The following PHF14 variants were observed in gnomAD, a reference collection of about 807,000 sequenced individuals.
The protein encoded by PHF14 is PHD finger protein 14.
A neutral mutation model predicts 117.9 loss-of-function variants in PHF14; 55 were observed. The observed-to-expected ratio is 0.47, with a 90% confidence interval of 0.38 to 0.58. The LOEUF is 0.58. PHF14 is among the 20% of genes least tolerant of loss of function. The pLI is 0.00. For missense variants in PHF14, 978 were observed against 1,122.2 expected, an observed-to-expected ratio of 0.87 and a Z score of 1.84; for synonymous variants, 409 against 368.6, an observed-to-expected ratio of 1.11 and a Z score of -1.26.
chr7:10,998,450 A>T (rs1449549522), intron 4 of PHF14, among the ~76,000 whole-genome samples: 2 of 152,174 alleles, frequency 1.3e-5, no homozygotes, highest in African/African-American at 4.8e-5. Context: ...ACATATATGT[A>T]TATATACACA....
intron 16 of PHF14, among the ~76,000 whole-genome samples, chr7:11,096,547 A>G (rs529436143): frequency 1.3e-5 from 2 of 152,262 alleles, no homozygotes; most frequent in South Asian, 4.1e-4. Context: ...ATTTACGGGT[A>G]TTTCATATCG....
intron 3 of PHF14, 33 bp downstream of exon 3, chr7:10,983,192 T>TG (rs756146576): frequency 8.4e-6 from 13 of 1,551,764 alleles, no homozygotes; most frequent in Admixed American, 3.8e-5. Context: ...TCTGTCTGTC[T>TG]GGGGAAAAGG....
At chr7:11,068,835 C>G (rs924328864) in intron 16 of PHF14, among the ~76,000 whole-genome samples, 2 of 152,056 alleles carry the variant, frequency 1.3e-5, no homozygotes, top group African/African-American at 4.8e-5. Context: ...CATGTTGCAT[C>G]TTTCAATTTA....
intron 4 of PHF14, chr7:11,006,738 G>T: frequency 1.5e-6 from 1 of 681,582 alleles, no homozygotes; most frequent in Non-Finnish European, 2.7e-6. Context: ...CTGCTGGAAG[G>T]TGGGTGACAT....
intron 16 of PHF14, chr7:11,105,270 A>C (rs1056231858): frequency 4.2e-6 from 4 of 952,420 alleles, no homozygotes; most frequent in Non-Finnish European, 5.0e-6. Flanking sequence ...TTAAGTGTTC[A>C]TCTGATTTTA....
intron 2 of PHF14, among the ~76,000 whole-genome samples, chr7:10,978,868 G>GGAACTA (rs1446671167): frequency 6.6e-6 from 1 of 152,168 alleles, no homozygotes. Context: ...TGACATAGCT[G>GGAACTA]GAACTAGAAT....
At chr7:11,103,835 A>G (rs1430063931) in intron 16 of PHF14, 1 of 981,596 alleles carries the variant, frequency 1.0e-6, no homozygotes, top group East Asian at 1.1e-4. Context: ...ATGAAATTAC[A>G]TATAAACAGA....
intron 17 of PHF14, among the ~76,000 whole-genome samples, chr7:11,143,880 A>G (rs1318593540): frequency 6.6e-6 from 1 of 152,116 alleles, no homozygotes; most frequent in Non-Finnish European, 1.5e-5. Context: ...AAATGGAACT[A>G]TATCAAACTA....
At chr7:11,094,070 G>A (rs1174295624) in intron 16 of PHF14, among the ~76,000 whole-genome samples, 1 of 152,098 alleles carries the variant, frequency 6.6e-6, no homozygotes, top group Admixed American at 6.6e-5. Flanking sequence ...GAGACTTTGG[G>A]TCTTTCCCAC....
chr7:11,024,286 G>A (rs185065322), intron 6 of PHF14, among the ~76,000 whole-genome samples: 38 of 152,318 alleles, frequency 2.5e-4, no homozygotes, highest in African/African-American at 8.9e-4. Flanking sequence ...TTTAAGGAAA[G>A]AAGCCATCTC....
chr7:11,158,199 G>A (rs1204813332), intron 17 of PHF14, among the ~76,000 whole-genome samples: 2 of 152,004 alleles, frequency 1.3e-5, no homozygotes, highest in Non-Finnish European at 2.9e-5. Context: ...GTTTCATTTT[G>A]TCATTATGTC....
At chr7:11,063,498 A>C in intron 16 of PHF14, 1 of 983,054 alleles carries the variant, frequency 1.0e-6, no homozygotes, top group Non-Finnish European at 1.2e-6. Context: ...GGTGGAGTTG[A>C]GGACTATGAT....
At chr7:11,103,461 C>G in intron 16 of PHF14, 1 of 982,110 alleles carries the variant, frequency 1.0e-6, no homozygotes, top group Non-Finnish European at 1.2e-6. Flanking sequence ...CAGAGGTATA[C>G]AGAATTAAAA....
chr7:11,168,308 C>G (rs1789270169), intron 17 of PHF14, among the ~76,000 whole-genome samples: 1 of 152,092 alleles, frequency 6.6e-6, no homozygotes, highest in South Asian at 2.1e-4. Context: ...TTAACAAAGT[C>G]TAAATCACAG....
At chr7:11,142,899 T>G (rs1788439357) in intron 17 of PHF14, among the ~76,000 whole-genome samples, 1 of 152,110 alleles carries the variant, frequency 6.6e-6, no homozygotes, top group Admixed American at 6.6e-5. Flanking sequence ...ATATACAACC[T>G]CTCAGTTTAA....
At chr7:10,985,668 T>C (rs1287638537) in intron 3 of PHF14, among the ~76,000 whole-genome samples, 1 of 125,800 alleles carries the variant, frequency 7.9e-6, no homozygotes, top group East Asian at 2.0e-4. Context: ...TTTTTTTTTT[T>C]TGGAGACAGG....
chr7:11,107,741 T>C (rs1172556672), intron 16 of PHF14: 2 of 825,264 alleles, frequency 2.4e-6, no homozygotes, highest in Non-Finnish European at 1.5e-6. Flanking sequence ...TATTGTGTTA[T>C]ATCCCTATAC....
chr7:11,028,705 C>T lies in PHF14; in HGVS notation c.1342C>T (p.Arg448Cys), dbSNP rs1381854007. Residue 448 changes from arginine (R) to cysteine (C), a missense_variant, in exon 7 of 18, where the codon CGC becomes TGC. By Grantham distance (180) the Arg-to-Cys change is radical. Coordinates refer to ENST00000634607, the MANE Select transcript of PHF14 (RefSeq NM_001007157.2). ...AKECSFCEDPRFARTGVCISC... is the reference protein window; with the variant it reads ...AKECSFCEDPCFARTGVCISC... ...GGAGTGTAGCTTTTGTGAAGACCCT[C>T]GCTTTGCTAGAACTGGGGTTTGCAT... The T allele has an allele frequency of 3.1e-6, 5 of 1,613,608 alleles. No individual in the cohort carries two copies. The highest frequency in any genetic ancestry group is 2.2e-5 in the East Asian group (1 of 44,860).
chr7:11,061,077 A>T (rs1785207746), intron 14 of PHF14, among the ~76,000 whole-genome samples: 1 of 152,248 alleles, frequency 6.6e-6, no homozygotes, highest in Admixed American at 6.5e-5. Context: ...GTCTCTAGGG[A>T]ACAGTGGTCT....
Sources: allele counts gnomAD v4.1 joint callset (sites outside exome capture counted in the v4.1 genomes callset), GRCh38; gene constraint gnomAD v4.1.1; transcripts MANE v1.5; gene names NCBI Gene and HGNC (gene_info 2026-07-23, HGNC 2026-07-21).